IGF2R: variants seen among roughly 807,000 people sequenced by gnomAD.
IGF2R encodes the protein insulin like growth factor 2 receptor, also known as cation-independent mannose-6-phosphate receptor.
In IGF2R, 91 loss-of-function variants were observed where a neutral mutation model predicts 270.6. The observed-to-expected ratio is 0.34, with a 90% CI of 0.28 to 0.40. The LOEUF (loss-of-function observed/expected upper bound fraction) is 0.40, where lower values mean the gene tolerates loss of function less well. Among genes scored for constraint, IGF2R ranks in the 10% least tolerant of loss-of-function variants. The pLI is 1.00. For synonymous variants in IGF2R, 1,316 were observed against 1,258.9 expected, an observed-to-expected ratio of 1.05 and a Z score of -0.96; for missense variants, 2,805 against 3,188.3, an observed-to-expected ratio of 0.88 and a Z score of 2.90.
chr6:160,036,392 A>G (rs1000962554), intron 10 of IGF2R, among the ~76,000 whole-genome samples: 31 of 151,816 alleles, frequency 2.0e-4, no homozygotes, highest in African/African-American at 7.0e-4. Context: ...TATCTTCCCC[A>G]TGTGCCCAGC....
In IGF2R at chr6:160,107,530, C is replaced by T. The variant is rs1779647622; in HGVS notation, c.*2446C>T. On this transcript the variant is annotated 3_prime_UTR_variant, in exon 48 of 48. Coordinates refer to ENST00000356956, the MANE Select transcript of IGF2R (RefSeq NM_000876.4). ...CGTGACAGCAAATCAGAATTGGACT[C>T]TTTTTCAGAGAAATGATTTTATTGA... The T allele has an allele frequency of 6.6e-6, 1 of 152,342 alleles. No individual in the cohort carries two copies. The highest frequency in any genetic ancestry group is 1.9e-4 in the East Asian group (1 of 5,192). 9.4% of individuals were successfully genotyped at this position (152,342 alleles called of 1,614,324 possible). A position where few individuals can be genotyped will look rare whatever the true frequency, so the allele number is the denominator to read the frequency against.
At chr6:160,062,779 T>TA (rs1778469745) in intron 26 of IGF2R, among the ~76,000 whole-genome samples, 160 bp downstream of exon 26, 1 of 152,070 alleles carries the variant, frequency 6.6e-6, no homozygotes, top group Non-Finnish European at 1.5e-5. Flanking sequence ...CTTTTTTTTT[T>TA]ACTGAAGCAT....
At chr6:160,097,119 A>G (rs1001794269) in intron 45 of IGF2R, among the ~76,000 whole-genome samples, 18 of 152,336 alleles carry the variant, frequency 1.2e-4, no homozygotes, top group Admixed American at 8.5e-4. Context: ...GTTTGTTTGA[A>G]TGAATGAAAA....
At chr6:160,003,301 G>A (rs758242437) in intron 2 of IGF2R, 4 of 152,068 alleles carry the variant, frequency 2.6e-5, no homozygotes, top group Non-Finnish European at 4.4e-5. Context: ...GAATTCTGTT[G>A]GATATTTAAG....
At chr6:160,056,032 G>A (rs550810880) in intron 19 of IGF2R, among the ~76,000 whole-genome samples, 13 of 152,240 alleles carry the variant, frequency 8.5e-5, no homozygotes, top group South Asian at 6.2e-4. Flanking sequence ...CTCTGACAGC[G>A]CAGGCCATTG....
chr6:160,103,448 C>T (rs766478735), intron 46 of IGF2R, among the ~76,000 whole-genome samples: 9 of 152,142 alleles, frequency 5.9e-5, no homozygotes, highest in Non-Finnish European at 1.2e-4. Flanking sequence ...GGCTTAGTGG[C>T]GACGGACTGG....
rs574606822 is a variant in IGF2R, at chr6:160,081,988, T to C, written c.5833+1713T>C. Among the ~76,000 whole-genome samples, 48 of 152,324 alleles carry C rather than the reference T, an allele frequency of 3.2e-4. 2 individuals carry two copies. In the South Asian group the frequency reaches 8.9e-3, roughly 28 times the overall value. ...CCTGAGGCGACATACATCCTCAGCT[T>C]ACGAAGATGATGGGATTAAGAGATT... On this transcript the variant is annotated intron_variant, in intron 39 of 47. Transcript: ENST00000356956.
chr6:160,024,693 G>A lies in IGF2R; in HGVS notation c.635G>A (p.Cys212Tyr). 3 of 1,614,104 alleles carry A rather than the reference G, an allele frequency of 1.9e-6. No homozygotes were observed. Among genetic ancestry groups the A allele is most frequent in the Non-Finnish European group, 2.5e-6 (3 of 1,179,972 alleles). ...GACACTTCTCTATTCATCAATGTTT[G>A]TAGAGACATAGGTATGAATCTTTGT... is the stretch of plus-strand genomic sequence containing the variant. ...DPDTSLFINV[C>Y]RDIDTLRDPG... Residue 212 changes from cysteine to tyrosine, a missense_variant, in exon 5 of 48, where the codon TGT becomes TAT. Cys to Tyr is a radical substitution (Grantham distance 194, BLOSUM62 -2). Transcript: ENST00000356956.
chr6:160,086,184 C>T (rs1006378844), intron 41 of IGF2R, among the ~76,000 whole-genome samples: 16 of 152,212 alleles, frequency 1.1e-4, no homozygotes, highest in African/African-American at 3.9e-4. Context: ...TTAGCGGTGA[C>T]CTGCAGGCCA....
intron 44 of IGF2R, among the ~76,000 whole-genome samples, chr6:160,090,569 G>A (rs1282729612): frequency 1.3e-5 from 2 of 152,230 alleles, no homozygotes; most frequent in Non-Finnish European, 1.5e-5. Flanking sequence ...CAGAGTCCAG[G>A]GTGTGAAGGA....
At chr6:160,089,411 G>A (rs1779169030) in intron 43 of IGF2R, among the ~76,000 whole-genome samples, 158 bp downstream of exon 43, 1 of 152,242 alleles carries the variant, frequency 6.6e-6, no homozygotes, top group Non-Finnish European at 1.5e-5. Flanking sequence ...CTGAGGAAAA[G>A]CGTTACTCAA....
At chr6:160,074,932 G>C (rs2115277308) in intron 35 of IGF2R, among the ~76,000 whole-genome samples, 1 of 152,278 alleles carries the variant, frequency 6.6e-6, no homozygotes, top group African/African-American at 2.4e-5. Context: ...CGCAGACCGG[G>C]GATCCTCGAT....
rs888327107 is a variant in IGF2R at position 160,089,162 on chromosome 6, G to A, written c.6376G>A (p.Ala2126Thr). Reference protein sequence around the residue: ...YFSWDSRAACAVKPQEVQMVN... With the variant: ...YFSWDSRAACTVKPQEVQMVN... ...CAGCTGGGACTCCCGGGCTGCCTGCGCCGTGAAGCCTCAGGAGGTGCAGAT... is the reference window on the plus strand; with the variant it reads ...CAGCTGGGACTCCCGGGCTGCCTGCACCGTGAAGCCTCAGGAGGTGCAGAT... The change falls in exon 43 of 48, where the codon GCC becomes ACC. Residue 2126 changes from alanine (A) to threonine (T), a missense_variant. Ala to Thr is a moderately conservative substitution (Grantham distance 58). Coordinates refer to ENST00000356956, the MANE Select transcript of IGF2R (RefSeq NM_000876.4). 5.6e-6 allele frequency: 9 copies of A among 1,614,054 alleles called. No homozygotes were observed. Among genetic ancestry groups the A allele is most frequent in the African/African-American group, 5.3e-5 (4 of 75,040 alleles).
At chr6:160,042,220 C>T (rs1583275460) in intron 11 of IGF2R, among the ~76,000 whole-genome samples, 1 of 152,280 alleles carries the variant, frequency 6.6e-6, no homozygotes, top group South Asian at 2.1e-4. Context: ...TACAGCCCAC[C>T]TGGCTCCACC....
intron 4 of IGF2R, among the ~76,000 whole-genome samples, chr6:160,017,529 T>C (rs939172043): frequency 2.6e-5 from 4 of 152,192 alleles, no homozygotes; most frequent in Non-Finnish European, 4.4e-5. Context: ...AGGAAATATG[T>C]TGCAAGGAGG....
At chr6:159,979,124 G>A (rs1424389997) in intron 1 of IGF2R, among the ~76,000 whole-genome samples, 1 of 152,218 alleles carries the variant, frequency 6.6e-6, no homozygotes, top group Non-Finnish European at 1.5e-5. Context: ...CATGCCTGCT[G>A]TGTGCTGGGA....
chr6:160,014,089 C>G (rs888035375), intron 4 of IGF2R, among the ~76,000 whole-genome samples: 2 of 152,016 alleles, frequency 1.3e-5, no homozygotes, highest in African/African-American at 4.8e-5. Flanking sequence ...TACAAACAGC[C>G]CTTTAAAACT....
chr6:160,068,446 G>C, intron 30 of IGF2R, 61 bp downstream of exon 30: 1 of 1,596,334 alleles, frequency 6.3e-7, no homozygotes, highest in South Asian at 1.1e-5. Context: ...GCCAGCACTG[G>C]TGAGAGGGGG....
At chr6:160,000,018 G>C (rs750658045) in intron 2 of IGF2R, among the ~76,000 whole-genome samples, 1 of 152,202 alleles carries the variant, frequency 6.6e-6, no homozygotes, top group Non-Finnish European at 1.5e-5. Context: ...GTTTGCCAAT[G>C]TACTATTAGG....
Sources: gnomAD v4.1 joint callset for allele counts (sites outside exome capture counted in the v4.1 genomes callset) on GRCh38, gnomAD v4.1.1 for gene constraint, MANE v1.5 for transcripts, NCBI Gene and HGNC (gene_info 2026-07-23, HGNC 2026-07-21) for gene names.